The following LSAMP variants were observed in gnomAD, a reference collection of about 807,000 sequenced individuals.
LSAMP encodes the protein limbic system associated membrane protein, also known as limbic system-associated membrane protein.
LSAMP carries 7 observed loss-of-function variants against 38.6 expected under a neutral mutation model. That is an observed-to-expected ratio of 0.18 (90% CI 0.10 to 0.34). The LOEUF is 0.34. LSAMP is among the 10% of genes least tolerant of loss of function. The pLI is 1.00. For missense variants in LSAMP, 313 were observed against 420.0 expected, an observed-to-expected ratio of 0.75 and a Z score of 2.23; for synonymous variants, 154 against 166.8, an observed-to-expected ratio of 0.92 and a Z score of 0.59.
intron 5 of LSAMP, 119 bp from the exon 6 acceptor site, chr3:115,842,112 G>T: frequency 9.8e-7 from 1 of 1,017,956 alleles, no homozygotes; most frequent in South Asian, 1.6e-5. Context: ...AGAGTTTGTT[G>T]TTCCATGCCC....
chr3:115,899,207 G>GT (rs1936808316), intron 3 of LSAMP, among the ~76,000 whole-genome samples: 2 of 151,974 alleles, frequency 1.3e-5, no homozygotes, highest in African/African-American at 4.8e-5. Context: ...CTTTCAAACA[G>GT]TTTTTTTCAA....
rs1379057242 is a variant in LSAMP at position 116,362,652 on chromosome 3, CA to C, written c.155+82224del. ...AAATGTAAAAGAACAGAAATTATAA[CA>C]AACTATCTCTCAGACCACAGTGCAA... On this transcript the variant is annotated intron_variant, in intron 1 of 6. Transcript: ENST00000490035. 1.5e-4 allele frequency among the ~76,000 whole-genome samples: 13 copies of C among 85,528 alleles called. 1 individual carries two copies. In the South Asian group the frequency reaches 3.2e-3, roughly 21 times the overall value. 56.1% of individuals were successfully genotyped at this position (85,528 alleles called of 152,430 possible). A position where few individuals can be genotyped will look rare whatever the true frequency, so the allele number is the denominator to read the frequency against.
At chr3:115,978,742 A>G (rs1939265952) in intron 3 of LSAMP, among the ~76,000 whole-genome samples, 1 of 152,168 alleles carries the variant, frequency 6.6e-6, no homozygotes, top group Non-Finnish European at 1.5e-5. Flanking sequence ...TGGGGGAAAA[A>G]ATAGGGCAGG....
At chr3:115,865,090 A>G (rs967484916) in intron 3 of LSAMP, among the ~76,000 whole-genome samples, 3 of 152,228 alleles carry the variant, frequency 2.0e-5, no homozygotes, top group African/African-American at 7.2e-5. Context: ...ATGGATGTCA[A>G]TGTACAACCT....
intron 1 of LSAMP, among the ~76,000 whole-genome samples, chr3:116,205,908 C>A (rs1432906349): frequency 2.0e-4 from 28 of 140,804 alleles, no homozygotes; most frequent in Non-Finnish European, 3.6e-4. Flanking sequence ...CAGAATGATG[C>A]TGGCCTCATA....
intron 1 of LSAMP, among the ~76,000 whole-genome samples, chr3:116,273,587 C>CTAT (rs1175372940): frequency 6.7e-6 from 1 of 148,506 alleles, no homozygotes; most frequent in East Asian, 2.0e-4. Context: ...GAATTATGAT[C>CTAT]TATTTATTTT....
chr3:116,108,074 G>C (rs562167710), intron 1 of LSAMP, among the ~76,000 whole-genome samples: 4 of 152,038 alleles, frequency 2.6e-5, no homozygotes, highest in African/African-American at 4.8e-5. Flanking sequence ...GGCATTGAGC[G>C]GGGTAAGGGT....
chr3:116,126,118 T>C (rs1023044702), intron 1 of LSAMP, among the ~76,000 whole-genome samples: 1 of 152,216 alleles, frequency 6.6e-6, no homozygotes, highest in Non-Finnish European at 1.5e-5. Flanking sequence ...GATCCAAAGC[T>C]TCTAAACTTT....
At chr3:116,352,761 T>C (rs892964048) in intron 1 of LSAMP, among the ~76,000 whole-genome samples, 3 of 152,128 alleles carry the variant, frequency 2.0e-5, no homozygotes, top group Non-Finnish European at 4.4e-5. Context: ...TTAATTCATA[T>C]GTATTTCACT....
chr3:116,437,940 C>T (rs2107884472), intron 1 of LSAMP, among the ~76,000 whole-genome samples: 1 of 151,568 alleles, frequency 6.6e-6, no homozygotes, highest in African/African-American at 2.4e-5. Flanking sequence ...AAGGCCTTTC[C>T]TATTCTACAT....
intron 3 of LSAMP, among the ~76,000 whole-genome samples, chr3:115,972,663 ATT>A (rs1939055083): frequency 6.6e-6 from 1 of 151,310 alleles, no homozygotes; most frequent in South Asian, 2.1e-4. Flanking sequence ...AAATATTTGA[ATT>A]AAGGTTAAGA....
intron 1 of LSAMP, among the ~76,000 whole-genome samples, chr3:116,262,997 A>G (rs1413127767): frequency 6.6e-6 from 1 of 151,622 alleles, no homozygotes; most frequent in Admixed American, 6.6e-5. Flanking sequence ...TCTTAAAGCA[A>G]AGCTTTTATT....
intron 1 of LSAMP, among the ~76,000 whole-genome samples, chr3:116,370,759 A>G (rs569456191): frequency 6.6e-6 from 1 of 152,260 alleles, no homozygotes; most frequent in South Asian, 2.1e-4. Context: ...AGAGAACAGA[A>G]ATATAACAGG....
chr3:115,971,320 A>C (rs2107611496), intron 3 of LSAMP, among the ~76,000 whole-genome samples: 1 of 152,336 alleles, frequency 6.6e-6, no homozygotes, highest in East Asian at 1.9e-4. Context: ...ATCCAAAACA[A>C]GATTATGTAT....
At chr3:116,116,085 C>A (rs1708737811) in intron 1 of LSAMP, among the ~76,000 whole-genome samples, 1 of 148,148 alleles carries the variant, frequency 6.8e-6, no homozygotes, top group African/African-American at 2.5e-5. Context: ...TGGACTGGTC[C>A]TATAATATAT....
At chr3:115,955,806 T>A (rs990951242) in intron 3 of LSAMP, among the ~76,000 whole-genome samples, 1 of 152,118 alleles carries the variant, frequency 6.6e-6, no homozygotes, top group African/African-American at 2.4e-5. Flanking sequence ...GTCTTTAGAG[T>A]TGCCTCCAAC....
chr3:116,288,718 G>A (rs2047223623), intron 1 of LSAMP, among the ~76,000 whole-genome samples: 1 of 152,096 alleles, frequency 6.6e-6, no homozygotes, highest in African/African-American at 2.4e-5. Flanking sequence ...TTACAGCACA[G>A]CACTATTCAT....
At chr3:116,178,728 A>C (rs6792741) in intron 1 of LSAMP, among the ~76,000 whole-genome samples, 75,956 of 152,042 alleles carry the variant, frequency 0.5, 21,480 homozygotes, top group East Asian at 0.74. Flanking sequence ...TCTATTTCTC[A>C]TCTGGCTCTC....
chr3:116,263,652 A>T (rs16824686), intron 1 of LSAMP, among the ~76,000 whole-genome samples: 32,173 of 146,608 alleles, frequency 0.22, 3,779 homozygotes, highest in African/African-American at 0.29. Context: ...ATCAAAATTA[A>T]ACCAACTTTT....
Sources: allele counts gnomAD v4.1 joint callset (sites outside exome capture counted in the v4.1 genomes callset), GRCh38; gene constraint gnomAD v4.1.1; transcripts MANE v1.5; gene names NCBI Gene and HGNC (gene_info 2026-07-23, HGNC 2026-07-21).